Variants in JAM3 observed in about 807,000 individuals in gnomAD.
JAM3 encodes junctional adhesion molecule C.
In JAM3, 31 loss-of-function variants were observed where a neutral mutation model predicts 39.4. The observed-to-expected ratio is 0.79, with a 90% CI of 0.59 to 1.06. JAM3 has a LOEUF of 1.06. Among genes scored for constraint, JAM3 ranks in the 50% least tolerant of loss-of-function variants. The pLI is 0.00. For missense variants in JAM3, 455 were observed against 391.4 expected, an observed-to-expected ratio of 1.16 and a Z score of -1.37; for synonymous variants, 182 against 148.7, an observed-to-expected ratio of 1.22 and a Z score of -1.63.
chr11:134,124,463 A>G (rs1303377367), intron 1 of JAM3: 2 of 477,270 alleles, frequency 4.2e-6, no homozygotes, highest in East Asian at 3.8e-5. Context: ...TGTTTTCTCT[A>G]TTCAACTTGT....
rs79196467 is a variant in JAM3 at position 134,125,829 on chromosome 11, T to C, written c.77-14022T>C. Among the ~76,000 whole-genome samples the C allele has an allele frequency of 9.9e-3, 1,506 of 152,320 alleles. 21 individuals are homozygous for C. Among genetic ancestry groups the C allele is most frequent in the African/African-American group, 0.034 (1,411 of 41,570 alleles). On this transcript the variant is annotated intron_variant, in intron 1 of 8. Coordinates refer to ENST00000299106, the MANE Select transcript of JAM3 (RefSeq NM_032801.5). ...GAGAAAGCACAGTGTCTGCTTTGTT[T>C]TTTCTCTACATTAGACATCAGTCCT... is the stretch of plus-strand genomic sequence containing the variant.
chr11:134,078,804 C>T (rs1941616159), intron 1 of JAM3, among the ~76,000 whole-genome samples: 1 of 152,046 alleles, frequency 6.6e-6, no homozygotes, highest in African/African-American at 2.4e-5. Flanking sequence ...TTTGGGAGGC[C>T]AAGGCAGGTG....
chr11:134,103,615 C>A (rs1429741540), intron 1 of JAM3, among the ~76,000 whole-genome samples: 1 of 152,044 alleles, frequency 6.6e-6, no homozygotes, highest in African/African-American at 2.4e-5. Flanking sequence ...ATTCAGGAGA[C>A]CCATATCATG....
intron 1 of JAM3, among the ~76,000 whole-genome samples, chr11:134,082,858 T>A (rs974886060): frequency 6.6e-6 from 1 of 152,184 alleles, no homozygotes; most frequent in African/African-American, 2.4e-5. Flanking sequence ...AGGGCCAGGA[T>A]CCCTATAGAG....
chr11:134,070,096 T>G (rs947395969), intron 1 of JAM3: 1 of 454,974 alleles, frequency 2.2e-6, no homozygotes, highest in African/African-American at 2.0e-5. Context: ...TACTGTCTAC[T>G]AGGCACTTTG....
rs1943143012 is a variant in JAM3, at chr11:134,149,177, TCTGAGACCCGCGGTGTGG to T, written c.*3_*20del. The T allele has an allele frequency of 6.2e-7, 1 of 1,613,918 alleles. No homozygotes were observed. Among genetic ancestry groups the T allele is most frequent in the Admixed American group, 1.7e-5 (1 of 60,006 alleles). The stretch of plus-strand genomic sequence containing the variant: ...TTCAGACACAAGTCATCGTTTGTGA[TCTGAGACCCGCGGTGTGG>T]CTGAGAGCGCACAGAGCGCACGTGC... On this transcript the variant is annotated stop_retained_variant and 3_prime_UTR_variant, in exon 9 of 9. Coordinates refer to ENST00000299106, the MANE Select transcript of JAM3 (RefSeq NM_032801.5).
chr11:134,119,315 T>A (rs1455664968), intron 1 of JAM3, among the ~76,000 whole-genome samples: 1 of 152,218 alleles, frequency 6.6e-6, no homozygotes, highest in Non-Finnish European at 1.5e-5. Flanking sequence ...TGCTTTGAGG[T>A]CTTCCTGCTG....
rs1270125854 is a variant in JAM3, at chr11:134,150,218, A to G, written c.*1037A>G. On this transcript the variant is annotated 3_prime_UTR_variant, in exon 9 of 9. Coordinates refer to ENST00000299106, the MANE Select transcript of JAM3 (RefSeq NM_032801.5). ...CACATCAGACCATAGTTGCTTAGGAAACCTTTAAAAATTCCAGTTAAGCAA... is the reference window on the plus strand; with the variant it reads ...CACATCAGACCATAGTTGCTTAGGAGACCTTTAAAAATTCCAGTTAAGCAA... 2 of 152,300 alleles carry G rather than the reference A, an allele frequency of 1.3e-5. No homozygotes were observed. Among genetic ancestry groups the G allele is most frequent in the Non-Finnish European group, 2.9e-5 (2 of 68,106 alleles). 9.4% of individuals were successfully genotyped at this position (152,300 alleles called of 1,614,324 possible).
At chr11:134,148,393 G>T (rs573885020) in intron 6 of JAM3, 154 bp from the exon 7 acceptor site, 157 of 822,820 alleles carry the variant, frequency 1.9e-4, no homozygotes, top group Admixed American at 5.3e-4. Context: ...TAGGCTAGAA[G>T]GATTGTAAGT....
At chr11:134,083,007 G>T (rs578046760) in intron 1 of JAM3, among the ~76,000 whole-genome samples, 8 of 152,210 alleles carry the variant, frequency 5.3e-5, no homozygotes, top group Non-Finnish European at 1.0e-4. Flanking sequence ...CTATTTTATG[G>T]ATGATGACTA....
intron 1 of JAM3, among the ~76,000 whole-genome samples, chr11:134,089,927 A>G (rs1350484936): frequency 6.6e-6 from 1 of 152,234 alleles, no homozygotes; most frequent in Non-Finnish European, 1.5e-5. Context: ...TCCCACCAAC[A>G]GTGTAAAAAT....
chr11:134,129,297 T>C (rs899147140), intron 1 of JAM3, among the ~76,000 whole-genome samples: 1 of 152,068 alleles, frequency 6.6e-6, no homozygotes, highest in African/African-American at 2.4e-5. Flanking sequence ...TTTGTATTTT[T>C]AGTAGAGATG....
intron 6 of JAM3, 27 bp from the exon 7 acceptor site, chr11:134,148,520 G>A: frequency 6.2e-7 from 1 of 1,614,100 alleles, no homozygotes; most frequent in Non-Finnish European, 8.5e-7. Flanking sequence ...GTGTATCATG[G>A]CTTCCACCAA....
intron 1 of JAM3, among the ~76,000 whole-genome samples, chr11:134,138,203 G>A (rs1404261814): frequency 5.8e-5 from 7 of 121,282 alleles, no homozygotes; most frequent in African/African-American, 7.6e-5. Flanking sequence ...CTCATACTGA[G>A]AGAAATGTTT....
intron 1 of JAM3, among the ~76,000 whole-genome samples, chr11:134,077,865 TG>T (rs1941598999): frequency 6.6e-6 from 1 of 152,028 alleles, no homozygotes; most frequent in Non-Finnish European, 1.5e-5. Flanking sequence ...TTGGCCAGGC[TG>T]GTCTTGAACT....
At chr11:134,128,891 C>A (rs368552097) in intron 1 of JAM3, among the ~76,000 whole-genome samples, 4 of 152,082 alleles carry the variant, frequency 2.6e-5, no homozygotes, top group Admixed American at 2.0e-4. Flanking sequence ...ATTTCCATTC[C>A]CCTCTGTATT....
intron 1 of JAM3, among the ~76,000 whole-genome samples, chr11:134,115,995 TTGC>T (rs1942424861): frequency 6.6e-6 from 1 of 152,180 alleles, no homozygotes; most frequent in African/African-American, 2.4e-5. Context: ...TCATGACATG[TTGC>T]TGGTATTGCT....
intron 1 of JAM3, among the ~76,000 whole-genome samples, chr11:134,112,052 C>T (rs1218497421): frequency 6.6e-6 from 1 of 152,170 alleles, no homozygotes; most frequent in Non-Finnish European, 1.5e-5. Flanking sequence ...GTGAAAACTG[C>T]CCATCTCATA....
chr11:134,114,570 T>G (rs1013231985), intron 1 of JAM3, among the ~76,000 whole-genome samples: 4 of 152,244 alleles, frequency 2.6e-5, no homozygotes, highest in African/African-American at 9.6e-5. Context: ...AGGACCAAGC[T>G]AAAACACTTT....
Sources: allele counts gnomAD v4.1 joint callset (sites outside exome capture counted in the v4.1 genomes callset), GRCh38; gene constraint gnomAD v4.1.1; transcripts MANE v1.5; gene names NCBI Gene and HGNC (gene_info 2026-07-23, HGNC 2026-07-21).